GK: variants seen among roughly 807,000 people sequenced by gnomAD.
GK encodes glycerol kinase.
A neutral mutation model predicts 56.4 loss-of-function variants in GK; 9 were observed. That is an observed-to-expected ratio of 0.16 (90% CI 0.10 to 0.28). The LOEUF (loss-of-function observed/expected upper bound fraction) is 0.28, where lower values mean the gene tolerates loss of function less well. GK is among the 10% of genes least tolerant of loss of function. The pLI, the probability that GK is intolerant of heterozygous loss-of-function variation, is 1.00. For synonymous variants in GK, 104 were observed against 144.1 expected, an observed-to-expected ratio of 0.72 and a Z score of 1.99; for missense variants, 161 against 431.4, an observed-to-expected ratio of 0.37 and a Z score of 5.55.
chrX:30,714,649 C>T (rs1470100973), intron 13 of GK, among the ~76,000 whole-genome samples: 1 of 111,554 alleles, frequency 9.0e-6, no homozygotes, highest in Non-Finnish European at 1.9e-5. Flanking sequence ...CACACATATC[C>T]CATCACTTTT....
intron 7 of GK, 21 bp from the exon 8 acceptor site, chrX:30,696,595 AC>A: frequency 9.0e-7 from 1 of 1,111,234 alleles, no homozygotes; most frequent in Non-Finnish European, 1.2e-6. Context: ...AGTGTTAAAT[AC>A]CCAATCTTCT....
chrX:30,662,953 G>C (rs1419360062), intron 1 of GK, among the ~76,000 whole-genome samples: 1 of 107,248 alleles, frequency 9.3e-6, no homozygotes, highest in Non-Finnish European at 1.9e-5. Context: ...CGTGATCTCA[G>C]CTCACTGCAA....
intron 19 of GK, among the ~76,000 whole-genome samples, chrX:30,724,990 C>T (rs1300200305): frequency 8.2e-5 from 9 of 109,786 alleles, no homozygotes; most frequent in Non-Finnish European, 1.7e-4. Context: ...AAATGATTTT[C>T]GTGCCTCAGC....
intron 6 of GK, among the ~76,000 whole-genome samples, chrX:30,695,597 G>A (rs992910028): frequency 4.5e-5 from 5 of 111,944 alleles, no homozygotes; most frequent in Admixed American, 1.9e-4. Context: ...ATAGCATAAT[G>A]CGAATTGTTA....
intron 3 of GK, among the ~76,000 whole-genome samples, chrX:30,673,929 CA>C (rs2147157450): frequency 9.0e-6 from 1 of 111,155 alleles, no homozygotes; most frequent in South Asian, 3.8e-4. Context: ...GTCACACGCA[CA>C]AAAAAATTAC....
chrX:30,723,451 C>A (rs1196732569), intron 18 of GK, among the ~76,000 whole-genome samples: 2 of 110,309 alleles, frequency 1.8e-5, no homozygotes, highest in Non-Finnish European at 3.8e-5. Context: ...TACAGCATAC[C>A]CTTTTCCTCG....
rs1211708432 is a variant in GK, at chrX:30,707,603, GT to G, written c.894+11del. ...CTATGTAATACAGGCCATAAGGTTGGTTTTTTAAATTAAAAAATTGATTTAA... is the reference window on the plus strand; with the variant it reads ...CTATGTAATACAGGCCATAAGGTTGGTTTTTAAATTAAAAAATTGATTTAA... On this transcript the variant is annotated splice_donor_region_variant and intron_variant, in intron 12 of 20. Coordinates refer to ENST00000427190, the MANE Select transcript of GK (RefSeq NM_001205019.2). The G allele has an allele frequency of 4.9e-6, 5 of 1,021,553 alleles. No homozygotes were observed. Among genetic ancestry groups the G allele is most frequent in the Admixed American group, 2.2e-5 (1 of 45,152 alleles). The allele number at this position is 1,021,553 out of a possible 1,213,427, so 84.2% of individuals were successfully genotyped here.
chrX:30,666,936 T>C (rs905377277), intron 2 of GK, among the ~76,000 whole-genome samples: 6 of 110,909 alleles, frequency 5.4e-5, no homozygotes, highest in Non-Finnish European at 9.5e-5. Flanking sequence ...AGGCGGATCA[T>C]GAGGTCAGGA....
Position 30,707,977 on chromosome X carries a change from T to C in GK, c.895-77T>C, listed in dbSNP as rs1936105837. ...ATTGCATTATTTTGTACCTATGTTA[T>C]TTTAACTTTAAAAAAAAGTTCTCAT... On this transcript the variant is annotated intron_variant, in intron 12 of 20. Coordinates refer to ENST00000427190, the MANE Select transcript of GK (RefSeq NM_001205019.2). 2.0e-5 allele frequency: 12 copies of C among 599,248 alleles called. No homozygotes were observed. The Admixed American group carries it at 3.4e-4, about 17-fold the overall frequency. The allele number at this position is 599,248 out of a possible 1,213,427, so 49.4% of individuals were successfully genotyped here. A position where few individuals can be genotyped will look rare whatever the true frequency, so the allele number is the denominator to read the frequency against.
intron 8 of GK, 27 bp downstream of exon 8, chrX:30,696,710 A>AAG (rs771671138): frequency 5.6e-5 from 62 of 1,103,349 alleles, no homozygotes; most frequent in Admixed American, 4.2e-4. Context: ...CAAACAAAAA[A>AAG]CACACCAAAA....
At chrX:30,682,627 A>G (rs915560084) in intron 4 of GK, among the ~76,000 whole-genome samples, 1 of 112,443 alleles carries the variant, frequency 8.9e-6, no homozygotes, top group Non-Finnish European at 1.9e-5. Flanking sequence ...AACACAAGGT[A>G]GGATGGATGG....
At chrX:30,658,368 T>G (rs1034706135) in intron 1 of GK, among the ~76,000 whole-genome samples, 3 of 110,475 alleles carry the variant, frequency 2.7e-5, no homozygotes, top group Non-Finnish European at 5.7e-5. Context: ...CAAGCTGGAG[T>G]GCAGTGGCAC....
chrX:30,683,253 G>A (rs571817972), intron 4 of GK, among the ~76,000 whole-genome samples: 15 of 110,472 alleles, frequency 1.4e-4, no homozygotes, highest in African/African-American at 3.9e-4. Context: ...ATAGGGTCTC[G>A]CTGTGTTGAG....
intron 1 of GK, among the ~76,000 whole-genome samples, chrX:30,664,603 A>G (rs1418393028): frequency 9.1e-6 from 1 of 109,376 alleles, no homozygotes; most frequent in Non-Finnish European, 1.9e-5. Context: ...AATGTTTTAT[A>G]TCAAGGGTCA....
intron 9 of GK, among the ~76,000 whole-genome samples, chrX:30,698,814 C>T (rs766157088): frequency 1.6e-3 from 143 of 89,855 alleles, no homozygotes; most frequent in African/African-American, 5.7e-3. Flanking sequence ...TGTGGTGAGC[C>T]GAGATGGTGC....
At chrX:30,664,534 G>A (rs913239697) in intron 1 of GK, among the ~76,000 whole-genome samples, 4 of 108,936 alleles carry the variant, frequency 3.7e-5, no homozygotes, top group African/African-American at 1.3e-4. Context: ...GTTTTTAGTA[G>A]TGCTAAAATT....
chrX:30,726,418 G>C (rs1893698653), intron 19 of GK, among the ~76,000 whole-genome samples: 1 of 109,295 alleles, frequency 9.1e-6, no homozygotes, highest in Admixed American at 9.8e-5. Flanking sequence ...CTCCCGAGTA[G>C]CTGGGATTAC....
chrX:30,708,033 T>TA, intron 12 of GK, 21 bp from the exon 13 acceptor site: 1 of 895,545 alleles, frequency 1.1e-6, no homozygotes, highest in African/African-American at 2.0e-5. Flanking sequence ...TACTGAAATC[T>TA]TTTTTTTTTC....
chrX:30,664,128 CTA>C (rs1220940744), intron 1 of GK, among the ~76,000 whole-genome samples: 1 of 69,987 alleles, frequency 1.4e-5, no homozygotes, highest in African/African-American at 6.1e-5. Flanking sequence ...TTATATAGAT[CTA>C]TATATATTTT....
Sources: allele counts gnomAD v4.1 joint callset (sites outside exome capture counted in the v4.1 genomes callset), GRCh38; gene constraint gnomAD v4.1.1; transcripts MANE v1.5; gene names NCBI Gene and HGNC (gene_info 2026-07-23, HGNC 2026-07-21).